The following ABCB4 variants were observed in gnomAD, a reference collection of about 807,000 sequenced individuals.
The protein encoded by ABCB4 is ATP binding cassette subfamily B member 4.
In ABCB4, 76 loss-of-function variants were observed where a neutral mutation model predicts 145.7. The ratio of observed to expected loss-of-function variants is 0.52; its 90% CI spans 0.43 to 0.63. The LOEUF (loss-of-function observed/expected upper bound fraction) is 0.63, where lower values mean the gene tolerates loss of function less well. Ranked by LOEUF, ABCB4 falls within the 30% of genes least tolerant of loss-of-function variation. ABCB4 has a pLI of 0.00. For synonymous variants in ABCB4, 517 were observed against 566.8 expected (o/e 0.91, Z 1.25); for missense variants, 1,234 against 1,553.1 (o/e 0.79, Z 3.45).
the ABCB4 span, among the ~76,000 whole-genome samples, chr7:87,380,511 A>G: frequency 1.3e-5 from 2 of 149,340 alleles, no homozygotes; most frequent in Admixed American, 6.7e-5. Flanking sequence ...CTTTTTTACT[A>G]TTGCCCAGCT....
chr7:87,450,468 ATTTTTT>A (rs373293934), intron 7 of ABCB4, among the ~76,000 whole-genome samples: 3 of 131,216 alleles, frequency 2.3e-5, no homozygotes, highest in Non-Finnish European at 1.6e-5. Flanking sequence ...TTGTGTCACA[ATTTTTT>A]TTTTTTTTTT....
At chr7:87,423,197 G>A (rs1038024792) in intron 17 of ABCB4, among the ~76,000 whole-genome samples, 6 of 152,164 alleles carry the variant, frequency 3.9e-5, no homozygotes, top group African/African-American at 1.4e-4. Context: ...TGAAATTGTA[G>A]AATATGAATT....
At chr7:87,392,881 A>G in the ABCB4 span, 6 of 1,610,266 alleles carry the variant, frequency 3.7e-6, no homozygotes, top group Middle Eastern at 1.7e-4. Context: ...TTGTATATTA[A>G]ATGGTTTTTA....
Position 87,444,945 on chromosome 7 carries a change from T to C in ABCB4, c.1036A>G (p.Ser346Gly). The C allele has an allele frequency of 6.2e-7, 1 of 1,605,756 alleles. No individual in the cohort carries two copies. Among genetic ancestry groups the C allele is most frequent in the East Asian group, 2.2e-5 (1 of 44,814 alleles). ...ATACATGGGGCAGCCTGGCCAACAC[T>C]GAAAGCTCCAATTAGGATTGAAAAA... ...VFFSILIGAF[S>G]VGQAAPCIDA... Residue 346 changes from serine (S) to glycine (G), a missense_variant, in exon 10 of 28, where the codon AGT becomes GGT. Ser to Gly is a moderately conservative substitution (Grantham distance 56). Around this residue, in one of 7 missense-constraint regions of ABCB4, gnomAD observed 467 missense variants for 632.8 expected, o/e 0.74. Coordinates refer to ENST00000649586, the MANE Select transcript of ABCB4 (RefSeq NM_000443.4).
In ABCB4 at chr7:87,403,015, C is replaced by A. The variant is rs1426040593; in HGVS notation, c.3633+120G>T. 4.4e-6 allele frequency: 5 copies of A among 1,143,616 alleles called. No homozygotes were observed. In the African/African-American group the frequency reaches 6.2e-5, roughly 14 times the overall value. 70.8% of individuals were successfully genotyped at this position (1,143,616 alleles called of 1,614,324 possible). A position where few individuals can be genotyped will look rare whatever the true frequency, so the allele number is the denominator to read the frequency against. ...CGTCTCAAAAAAATAAAAATAAAAA[C>A]CACTATCTAACGTTCTGTGTTTTTC... On this transcript the variant is annotated intron_variant, in intron 27 of 27. Coordinates refer to ENST00000649586, the MANE Select transcript of ABCB4 (RefSeq NM_000443.4).
intron 26 of ABCB4, among the ~76,000 whole-genome samples, chr7:87,405,093 A>G (rs950328845): frequency 6.6e-6 from 1 of 152,218 alleles, no homozygotes; most frequent in Non-Finnish European, 1.5e-5. Flanking sequence ...TTTATTTGCA[A>G]TAGCCAGAAA....
chr7:87,372,825 A>T, the ABCB4 span, among the ~76,000 whole-genome samples: 1 of 152,078 alleles, frequency 6.6e-6, no homozygotes. Flanking sequence ...TATTTTACAG[A>T]TATGCCACAT....
At chr7:87,461,221 T>C (rs1407646694) in intron 4 of ABCB4, among the ~76,000 whole-genome samples, 1 of 152,186 alleles carries the variant, frequency 6.6e-6, no homozygotes, top group Non-Finnish European at 1.5e-5. Flanking sequence ...AGTGCTGGGA[T>C]TACAGGTGTG....
chr7:87,442,087 T>C (rs993640882), intron 12 of ABCB4, among the ~76,000 whole-genome samples: 2 of 152,168 alleles, frequency 1.3e-5, no homozygotes, highest in African/African-American at 4.8e-5. Context: ...TTTTTTCTGT[T>C]AACATATGCT....
chr7:87,369,466 C>T, the ABCB4 span: 6 of 1,611,448 alleles, frequency 3.7e-6, no homozygotes, highest in South Asian at 6.6e-5. Flanking sequence ...TGTTTGGTCA[C>T]CCCGCCAGAG....
the ABCB4 span, among the ~76,000 whole-genome samples, chr7:87,392,397 T>C: frequency 0.033 from 4,948 of 152,240 alleles, 251 homozygotes; most frequent in African/African-American, 0.11. Context: ...CAGGGAAGAC[T>C]AGGCGATAGA....
intron 14 of ABCB4, among the ~76,000 whole-genome samples, chr7:87,434,950 C>T (rs778931205): frequency 5.9e-5 from 9 of 152,150 alleles, no homozygotes; most frequent in Non-Finnish European, 1.2e-4. Flanking sequence ...AAGTAGGTAA[C>T]TACAGTAAGC....
At chr7:87,469,603 GA>G (rs1398262517) in intron 3 of ABCB4, among the ~76,000 whole-genome samples, 1 of 152,150 alleles carries the variant, frequency 6.6e-6, no homozygotes, top group Non-Finnish European at 1.5e-5. Flanking sequence ...AATCATGAGT[GA>G]ACTCCCATTC....
intron 27 of ABCB4, among the ~76,000 whole-genome samples, chr7:87,402,784 A>C (rs770170898): frequency 2.6e-5 from 4 of 152,078 alleles, no homozygotes; most frequent in Non-Finnish European, 4.4e-5. Flanking sequence ...GGCGGATCAC[A>C]AGGTCAGGAT....
At chr7:87,369,418 G>A in the ABCB4 span, 147 of 1,612,940 alleles carry the variant, frequency 9.1e-5, no homozygotes, top group Middle Eastern at 1.6e-4. Context: ...GTGCTGTGTC[G>A]AGGCCGAGCT....
the ABCB4 span, among the ~76,000 whole-genome samples, chr7:87,385,219 AT>A: frequency 7.4e-6 from 1 of 135,292 alleles, no homozygotes; most frequent in South Asian, 2.3e-4. Context: ...TTTTTTTCCT[AT>A]TTTTGTGAAG....
chr7:87,470,156 G>A (rs1460851726), intron 3 of ABCB4, among the ~76,000 whole-genome samples: 5 of 152,188 alleles, frequency 3.3e-5, no homozygotes, highest in Non-Finnish European at 4.4e-5. Context: ...TGGGAAAACT[G>A]GCTAGCCATA....
At chr7:87,433,587 C>A (rs145927670) in intron 14 of ABCB4, among the ~76,000 whole-genome samples, 3 of 150,850 alleles carry the variant, frequency 2.0e-5, no homozygotes, top group African/African-American at 4.9e-5. Context: ...AAATAAAGTA[C>A]GTGTTCATCA....
At chr7:87,409,951 A>G (rs1808489404) in intron 23 of ABCB4, among the ~76,000 whole-genome samples, 1 of 152,228 alleles carries the variant, frequency 6.6e-6, no homozygotes, top group Admixed American at 6.5e-5. Context: ...TACAATTAAA[A>G]TAACTATGCT....
Sources: gnomAD v4.1 joint callset for allele counts (sites outside exome capture counted in the v4.1 genomes callset) on GRCh38, gnomAD v4.1.1 for gene constraint, gnomAD v4.1.1 regional missense constraint, MANE v1.5 for transcripts, NCBI Gene and HGNC (gene_info 2026-07-23, HGNC 2026-07-21) for gene names.